Variants in EPB41L4A observed in about 807,000 individuals in gnomAD.
EPB41L4A encodes band 4.1-like protein 4A.
Under a neutral mutation model 108.6 loss-of-function variants are expected in EPB41L4A, and 100 were observed. That is an observed-to-expected ratio of 0.92 (90% CI 0.78 to 1.09). The LOEUF (loss-of-function observed/expected upper bound fraction) is 1.09. Ranked by LOEUF, EPB41L4A falls within the 50% of genes least tolerant of loss-of-function variation. EPB41L4A has a pLI of 0.00. For missense variants in EPB41L4A, 1,030 were observed against 842.7 expected, an observed-to-expected ratio of 1.22 and a Z score of -2.75; for synonymous variants, 319 against 289.0, an observed-to-expected ratio of 1.10 and a Z score of -1.05.
At chr5:112,381,651 G>C (rs1215527647) in intron 1 of EPB41L4A, among the ~76,000 whole-genome samples, 2 of 152,258 alleles carry the variant, frequency 1.3e-5, no homozygotes, top group Non-Finnish European at 2.9e-5. Flanking sequence ...ACAAGGCTGA[G>C]TTGCAGAAGC....
Position 112,164,700 on chromosome 5 carries a change from T to C in EPB41L4A, c.*290A>G. On this transcript the variant is annotated 3_prime_UTR_variant, in exon 23 of 23. Transcript: ENST00000261486. The stretch of plus-strand genomic sequence containing the variant: ...TACAAAAAGAATTAGCCGGGTGTTG[T>C]GGTGCACGCCTGTAATCCCAGCTGC... 5.2e-6 allele frequency: 1 copy of C among 193,584 alleles called. No individual in the cohort carries two copies. Among genetic ancestry groups the C allele is most frequent in the Non-Finnish European group, 1.0e-5 (1 of 95,816 alleles). 12.0% of individuals were successfully genotyped at this position (193,584 alleles called of 1,614,324 possible).
At chr5:112,366,713 T>C (rs1160241692) in intron 1 of EPB41L4A, among the ~76,000 whole-genome samples, 2 of 151,920 alleles carry the variant, frequency 1.3e-5, no homozygotes, top group Non-Finnish European at 2.9e-5. Context: ...GGTCAATATC[T>C]CAAGGCACAG....
chr5:112,180,273 T>C (rs1034873937), intron 18 of EPB41L4A, among the ~76,000 whole-genome samples: 7 of 152,032 alleles, frequency 4.6e-5, no homozygotes, highest in Admixed American at 4.6e-4. Flanking sequence ...TAAAACAATC[T>C]TGCATAAAGG....
intron 18 of EPB41L4A, among the ~76,000 whole-genome samples, chr5:112,174,599 T>C (rs1360712293): frequency 6.6e-6 from 1 of 152,126 alleles, no homozygotes; most frequent in Non-Finnish European, 1.5e-5. Context: ...GAAACAAACA[T>C]ATCATAAATC....
At chr5:112,231,766 T>G (rs1748957313) in intron 12 of EPB41L4A, among the ~76,000 whole-genome samples, 1 of 110,570 alleles carries the variant, frequency 9.0e-6, no homozygotes, top group African/African-American at 3.5e-5. Context: ...CAGTCCGGCC[T>G]GGGCGACAGA....
intron 2 of EPB41L4A, among the ~76,000 whole-genome samples, chr5:112,282,399 C>T (rs1398171770): frequency 2.0e-5 from 3 of 152,206 alleles, no homozygotes; most frequent in Non-Finnish European, 4.4e-5. Context: ...GGAAAACAAA[C>T]GCAAATACTC....
intron 12 of EPB41L4A, among the ~76,000 whole-genome samples, chr5:112,155,932 G>C (rs7700705): frequency 0.28 from 42,764 of 151,844 alleles, 7,652 homozygotes; most frequent in African/African-American, 0.51. Flanking sequence ...AAGTAGATAT[G>C]TATATAATTT....
chr5:112,186,496 AC>A (rs1163192397), intron 17 of EPB41L4A, among the ~76,000 whole-genome samples: 1 of 152,228 alleles, frequency 6.6e-6, no homozygotes, highest in Non-Finnish European at 1.5e-5. Flanking sequence ...ATGTACCTTT[AC>A]CTTTTTTTCT....
intron 2 of EPB41L4A, among the ~76,000 whole-genome samples, chr5:112,284,657 C>G (rs567069697): frequency 5.7e-4 from 87 of 152,324 alleles, no homozygotes; most frequent in Non-Finnish European, 1.1e-3. Flanking sequence ...TGATGTCGCA[C>G]AGTCCACTCC....
intron 1 of EPB41L4A, among the ~76,000 whole-genome samples, chr5:112,365,702 G>C (rs1038357580): frequency 6.6e-6 from 1 of 152,158 alleles, no homozygotes; most frequent in Non-Finnish European, 1.5e-5. Flanking sequence ...CAAGACCCTA[G>C]CTAGGGTATC....
chr5:112,339,144 A>T (rs778001725), intron 1 of EPB41L4A, among the ~76,000 whole-genome samples: 1 of 152,130 alleles, frequency 6.6e-6, no homozygotes, highest in Admixed American at 6.5e-5. Context: ...GAATTGCACA[A>T]TAGGAGCTTT....
At position 112,418,969 on chromosome 5, in the gene EPB41L4A, G is replaced by A. The variant is rs1225638235; in HGVS notation, c.71C>T (p.Thr24Ile). 1.2e-6 allele frequency: 2 copies of A among 1,613,372 alleles called. No individual in the cohort carries two copies. The highest frequency in any genetic ancestry group is 1.7e-5 in the Admixed American group (1 of 59,980). The part of the protein sequence containing the change: ...EVLLLDESKL[T>I]LTTQQQGIKK... ...GATGCCCTGCTGCTGGGTGGTAAGG[G>A]TTAACTTGGATTCATCCAGGAGCAA... The change falls in exon 1 of 23, where the codon ACC becomes ATC. Residue 24 changes from threonine to isoleucine, a missense_variant. Transcript: ENST00000261486.
At chr5:112,209,018 C>T (rs945841782) in intron 13 of EPB41L4A, among the ~76,000 whole-genome samples, 2 of 152,218 alleles carry the variant, frequency 1.3e-5, no homozygotes, top group African/African-American at 2.4e-5. Context: ...AATATTAAAA[C>T]TCTGAGAATC....
chr5:112,165,428 A>G (rs1760183506), intron 22 of EPB41L4A, among the ~76,000 whole-genome samples: 1 of 152,170 alleles, frequency 6.6e-6, no homozygotes, highest in Non-Finnish European at 1.5e-5. Flanking sequence ...CAGGCTCTCA[A>G]CCTCACTCTT....
chr5:112,267,436 T>C (rs1339521270), intron 4 of EPB41L4A, among the ~76,000 whole-genome samples: 1 of 152,230 alleles, frequency 6.6e-6, no homozygotes, highest in Admixed American at 6.5e-5. Flanking sequence ...TCAGGAAGAT[T>C]GGCATCAACT....
intron 12 of EPB41L4A, among the ~76,000 whole-genome samples, chr5:112,220,118 C>A (rs1031336509): frequency 6.6e-6 from 1 of 152,136 alleles, no homozygotes; most frequent in East Asian, 1.9e-4. Context: ...AAGTCTATTC[C>A]TACTTTTATT....
In EPB41L4A at chr5:112,215,398, A is replaced by G. The variant is rs373655584; in HGVS notation, c.1088-5416T>C. ...GTATTTTACTTCAAGTAAAAATAAT[A>G]ATAACTCTAGTGAGGCCACTTAGAA... is the stretch of plus-strand genomic sequence containing the variant. On this transcript the variant is annotated intron_variant, in intron 12 of 22. Transcript: ENST00000261486. 2.4e-4 allele frequency among the ~76,000 whole-genome samples: 36 copies of G among 152,354 alleles called. No individual in the cohort carries two copies. The South Asian group carries it at 7.5e-3, about 32-fold the overall frequency.
Position 112,313,319 on chromosome 5 carries a change from C to T in EPB41L4A, c.100-5829G>A, listed in dbSNP as rs867283206. ...CAAAAGTCCTTTTGTAGGGTGGGCG[C>T]GGTGGCTCACGCCTGTAATCCCAGC... On this transcript the variant is annotated intron_variant, in intron 1 of 22. Coordinates refer to ENST00000261486, the MANE Select transcript of EPB41L4A (RefSeq NM_022140.5). Among the ~76,000 whole-genome samples the T allele has an allele frequency of 2.8e-4, 43 of 152,278 alleles. 1 individual carries two copies. Among genetic ancestry groups the T allele is most frequent in the Admixed American group, 1.4e-3 (21 of 15,296 alleles).
In EPB41L4A at chr5:112,255,065, G is replaced by A. The variant is rs142050296; in HGVS notation, c.795+4164C>T. On this transcript the variant is annotated intron_variant, in intron 9 of 22. Transcript: ENST00000261486. Reference sequence around the variant, plus strand: ...TGCTCCACATTGCTGCTTTCAGACCGTTCTCTTTCCTTCCCCCTAAAACTC... The same window carrying A: ...TGCTCCACATTGCTGCTTTCAGACCATTCTCTTTCCTTCCCCCTAAAACTC... Among the ~76,000 whole-genome samples the A allele has an allele frequency of 9.2e-5, 14 of 151,918 alleles. No individual in the cohort carries two copies. In the East Asian group the frequency reaches 1.2e-3, roughly 13 times the overall value.
Sources: allele counts gnomAD v4.1 joint callset (sites outside exome capture counted in the v4.1 genomes callset), GRCh38; gene constraint gnomAD v4.1.1; transcripts MANE v1.5; gene names NCBI Gene and HGNC (gene_info 2026-07-23, HGNC 2026-07-21).